CDH12: variants seen among roughly 807,000 people sequenced by gnomAD.
The protein encoded by CDH12 is cadherin-12.
A neutral mutation model predicts 74.1 loss-of-function variants in CDH12; 41 were observed. The ratio of observed to expected loss-of-function variants is 0.55; its 90% CI spans 0.43 to 0.72. The LOEUF (loss-of-function observed/expected upper bound fraction) is 0.72, where lower values mean the gene tolerates loss of function less well. Among genes scored for constraint, CDH12 ranks in the 30% least tolerant of loss-of-function variants. The pLI, the probability that CDH12 is intolerant of heterozygous loss-of-function variation, is 0.00. For synonymous variants in CDH12, 399 were observed against 355.0 expected (o/e 1.12, Z -1.39); for missense variants, 945 against 977.2 (o/e 0.97, Z 0.44).
At chr5:22,028,206 A>G (rs1738523072) in intron 5 of CDH12, among the ~76,000 whole-genome samples, 2 of 152,146 alleles carry the variant, frequency 1.3e-5, no homozygotes, top group Non-Finnish European at 2.9e-5. Flanking sequence ...GACACAAGAC[A>G]GGGATGCCCT....
intron 6 of CDH12, among the ~76,000 whole-genome samples, chr5:21,855,406 A>AT (rs576469169): frequency 1.1e-4 from 16 of 150,694 alleles, no homozygotes; most frequent in African/African-American, 3.2e-4. Flanking sequence ...AGCTTTCCTA[A>AT]TTTTTTTTTG....
At chr5:22,483,947 C>T (rs1056331411) in intron 2 of CDH12, among the ~76,000 whole-genome samples, 2 of 149,058 alleles carry the variant, frequency 1.3e-5, no homozygotes, top group African/African-American at 4.9e-5. Context: ...CATATAAGAT[C>T]GGGAATTCCA....
At chr5:22,147,246 G>A (rs1004490988) in intron 4 of CDH12, among the ~76,000 whole-genome samples, 3 of 151,998 alleles carry the variant, frequency 2.0e-5, no homozygotes, top group Non-Finnish European at 2.9e-5. Flanking sequence ...GGCCATTTTC[G>A]TTTTTATCTT....
intron 4 of CDH12, among the ~76,000 whole-genome samples, chr5:22,109,963 G>A (rs1744712804): frequency 6.6e-6 from 1 of 152,168 alleles, no homozygotes; most frequent in Non-Finnish European, 1.5e-5. Context: ...GCAAATAATA[G>A]TACATTTTGA....
intron 2 of CDH12, among the ~76,000 whole-genome samples, chr5:22,408,754 G>GA (rs138484708): frequency 0.04 from 6,108 of 151,168 alleles, 426 homozygotes; most frequent in African/African-American, 0.14. Context: ...AAAACACCTG[G>GA]AAAAAAATAG....
chr5:22,332,377 T>G (rs1222135294), intron 3 of CDH12, among the ~76,000 whole-genome samples: 1 of 152,062 alleles, frequency 6.6e-6, no homozygotes, highest in Non-Finnish European at 1.5e-5. Context: ...GCAGAAGAAA[T>G]AATACTTTTA....
rs1250013382 is a variant in CDH12, at chr5:22,395,603, A to AT, written c.-333+9653dup. Among the ~76,000 whole-genome samples, 7 of 152,118 alleles carry AT rather than the reference A, an allele frequency of 4.6e-5. No homozygotes were observed. In the South Asian group the frequency reaches 8.3e-4, roughly 18 times the overall value. On this transcript the variant is annotated intron_variant, in intron 3 of 14. Coordinates refer to ENST00000382254, the MANE Select transcript of CDH12 (RefSeq NM_004061.5). ...GTTTTGTATACAAAACTGGGAATTA[A>AT]TTTTTTTCTTTTGGACATATTAAAT...
chr5:22,762,360 T>C (rs1746271075), intron 1 of CDH12, among the ~76,000 whole-genome samples: 1 of 152,110 alleles, frequency 6.6e-6, no homozygotes, highest in South Asian at 2.1e-4. Flanking sequence ...TCTTACACAT[T>C]TGTTAGTTGT....
intron 3 of CDH12, among the ~76,000 whole-genome samples, chr5:22,289,632 G>C (rs920077057): frequency 1.3e-5 from 2 of 152,126 alleles, no homozygotes; most frequent in African/African-American, 4.8e-5. Flanking sequence ...CACAGTACCT[G>C]GTTGTAGCAC....
At chr5:22,086,678 A>T (rs1743089883) in intron 4 of CDH12, among the ~76,000 whole-genome samples, 1 of 150,272 alleles carries the variant, frequency 6.7e-6, no homozygotes, top group Admixed American at 6.6e-5. Context: ...TGATATGAAA[A>T]TGGCTGCTAC....
At chr5:22,808,854 G>C (rs1303638695) in intron 1 of CDH12, among the ~76,000 whole-genome samples, 1 of 142,774 alleles carries the variant, frequency 7.0e-6, no homozygotes, top group Non-Finnish European at 1.5e-5. Flanking sequence ...TGATCTGCCT[G>C]CCTCAGCCTC....
intron 4 of CDH12, among the ~76,000 whole-genome samples, chr5:22,183,404 G>A (rs1188196322): frequency 1.3e-5 from 2 of 152,034 alleles, no homozygotes; most frequent in African/African-American, 4.8e-5. Flanking sequence ...AGAAGTTATA[G>A]CACAGACTAC....
chr5:22,593,910 G>A (rs749482260), intron 1 of CDH12, among the ~76,000 whole-genome samples: 9 of 152,104 alleles, frequency 5.9e-5, no homozygotes, highest in Non-Finnish European at 1.3e-4. Context: ...AATATAAAAT[G>A]TCTATTAACT....
chr5:22,765,368 T>C (rs938249614), intron 1 of CDH12, among the ~76,000 whole-genome samples: 2 of 151,960 alleles, frequency 1.3e-5, no homozygotes, highest in African/African-American at 2.4e-5. Context: ...ATATGTCTAG[T>C]CTACTGTAAT....
chr5:22,107,337 G>A (rs1744518551), intron 4 of CDH12, among the ~76,000 whole-genome samples: 1 of 151,474 alleles, frequency 6.6e-6, no homozygotes, highest in South Asian at 2.1e-4. Context: ...TTACTATGTT[G>A]GCCAGGCTGG....
At chr5:21,760,745 G>T in intron 12 of CDH12, 70 bp from the exon 13 acceptor site, 1 of 894,712 alleles carries the variant, frequency 1.1e-6, no homozygotes, top group Non-Finnish European at 1.9e-6. Context: ...GCTACTAAAT[G>T]TATTTAATGA....
At chr5:22,251,899 T>A (rs976730394) in intron 3 of CDH12, among the ~76,000 whole-genome samples, 6 of 152,174 alleles carry the variant, frequency 3.9e-5, no homozygotes, top group Non-Finnish European at 8.8e-5. Context: ...TAAGATATTT[T>A]AAAAATACCC....
chr5:21,919,734 C>A (rs1754267132), intron 6 of CDH12, among the ~76,000 whole-genome samples: 1 of 152,094 alleles, frequency 6.6e-6, no homozygotes, highest in Non-Finnish European at 1.5e-5. Flanking sequence ...TGTGAAGAAT[C>A]ATTTAGATGC....
chr5:21,808,908 G>C (rs988050313), intron 9 of CDH12, among the ~76,000 whole-genome samples: 1 of 152,016 alleles, frequency 6.6e-6, no homozygotes, highest in African/African-American at 2.4e-5. Context: ...ATGTAGTTAA[G>C]TTTTAAAACG....
Sources: gnomAD v4.1 joint callset for allele counts (sites outside exome capture counted in the v4.1 genomes callset) on GRCh38, gnomAD v4.1.1 for gene constraint, MANE v1.5 for transcripts, NCBI Gene and HGNC (gene_info 2026-07-23, HGNC 2026-07-21) for gene names.